ANXA6: variants seen among roughly 807,000 people sequenced by gnomAD.
ANXA6 encodes annexin A6, also known as 67 kDa calelectrin.
Under a neutral mutation model 95.4 loss-of-function variants are expected in ANXA6, and 71 were observed. The observed-to-expected ratio is 0.74, with a 90% CI of 0.61 to 0.91. The LOEUF (loss-of-function observed/expected upper bound fraction) is 0.91. Among genes scored for constraint, ANXA6 ranks in the 40% least tolerant of loss-of-function variants. The pLI, the probability that ANXA6 is intolerant of heterozygous loss-of-function variation, is 0.00. For synonymous variants in ANXA6, 289 were observed against 315.9 expected (o/e 0.91, Z 0.90); for missense variants, 830 against 876.4 (o/e 0.95, Z 0.67).
At chr5:151,140,470 C>A (rs1468949063) in intron 2 of ANXA6, 1 of 528,140 alleles carries the variant, frequency 1.9e-6, no homozygotes. Context: ...GGGGGCTTGG[C>A]CAAGGCCTGC....
chr5:151,110,212 G>A (rs1014138444), intron 21 of ANXA6, among the ~76,000 whole-genome samples: 1 of 152,222 alleles, frequency 6.6e-6, no homozygotes, highest in South Asian at 2.1e-4. Context: ...AAGGGTGTAT[G>A]GGGTCATATG....
intron 9 of ANXA6, 113 bp downstream of exon 9, chr5:151,132,981 G>T: frequency 1.2e-6 from 1 of 817,776 alleles, no homozygotes; most frequent in Non-Finnish European, 2.0e-6. Flanking sequence ...AGTTTGGGTT[G>T]GGAATGAAGT....
intron 23 of ANXA6, among the ~76,000 whole-genome samples, chr5:151,106,773 G>T (rs535699761): frequency 2.6e-5 from 4 of 152,272 alleles, no homozygotes; most frequent in South Asian, 2.1e-4. Context: ...TAAGAAGCAC[G>T]CTGGGCAGAA....
chr5:151,120,397 G>A (rs371568430), intron 17 of ANXA6, among the ~76,000 whole-genome samples: 2 of 144,924 alleles, frequency 1.4e-5, no homozygotes, highest in African/African-American at 5.2e-5. Flanking sequence ...CACTGTGCAA[G>A]GTGCTGGGGC....
At position 151,137,325 on chromosome 5, in the gene ANXA6, G is replaced by C; in HGVS notation, c.319-4C>G. The C allele has an allele frequency of 6.2e-7, 1 of 1,611,676 alleles. No individual in the cohort carries two copies. Among genetic ancestry groups the C allele is most frequent in the African/African-American group, 1.3e-5 (1 of 74,942 alleles). On this transcript the variant is annotated splice_region_variant and splice_polypyrimidine_tract_variant and intron_variant, in intron 5 of 25. Coordinates refer to ENST00000354546, the MANE Select transcript of ANXA6 (RefSeq NM_001155.5). ...ACTTCTCATCAGTGCCAATGCCCTG[G>C]GGGTAGAAAAAGAGCGCATGAATTA...
At chr5:151,106,403 C>G (rs1764696812) in intron 23 of ANXA6, among the ~76,000 whole-genome samples, 1 of 152,186 alleles carries the variant, frequency 6.6e-6, no homozygotes, top group Non-Finnish European at 1.5e-5. Flanking sequence ...CAAGACTCCT[C>G]TGCAACAGGC....
chr5:151,129,413 C>T lies in ANXA6; in HGVS notation c.912G>A (p.Met304Ile). 6.2e-7 allele frequency: 1 copy of T among 1,613,438 alleles called. No homozygotes were observed. Among genetic ancestry groups the T allele is most frequent in the Non-Finnish European group, 8.5e-7 (1 of 1,179,850 alleles). The change falls in exon 12 of 26, where the codon ATG (methionine) becomes ATA (isoleucine). Residue 304 changes from methionine (M) to isoleucine (I), a missense_variant. Transcript: ENST00000354546. Reference sequence around the variant, plus strand: ...CCCCATGAGCTCTGCTGACCTTGATCATGCTGTAGAGGGACTTCTCATACT... The same window carrying T: ...CCCCATGAGCTCTGCTGACCTTGATTATGCTGTAGAGGGACTTCTCATACT... ...RTKYEKSLYS[M>I]IKNDTSGEYK...
chr5:151,120,995 C>T (rs138214625), intron 17 of ANXA6, among the ~76,000 whole-genome samples: 1 of 152,326 alleles, frequency 6.6e-6, no homozygotes, highest in African/African-American at 2.4e-5. Context: ...AGTTGGGTTA[C>T]CTCATCGATC....
At chr5:151,104,753 G>A (rs1764647625) in intron 24 of ANXA6, among the ~76,000 whole-genome samples, 1 of 152,246 alleles carries the variant, frequency 6.6e-6, no homozygotes, top group African/African-American at 2.4e-5. Flanking sequence ...ACTAGACTCA[G>A]AGGGGAGCGC....
intron 1 of ANXA6, among the ~76,000 whole-genome samples, chr5:151,153,310 A>C (rs1766152719): frequency 6.6e-6 from 1 of 152,250 alleles, no homozygotes; most frequent in Non-Finnish European, 1.5e-5. Flanking sequence ...ATTTAAGGTC[A>C]GCCCTTAGAG....
intron 1 of ANXA6, among the ~76,000 whole-genome samples, chr5:151,148,963 C>T (rs1038743744): frequency 6.6e-5 from 10 of 151,476 alleles, no homozygotes; most frequent in Admixed American, 4.6e-4. Flanking sequence ...TAATTTGAGC[C>T]CAGGAGTTCG....
intron 3 of ANXA6, 115 bp from the exon 4 acceptor site, chr5:151,139,562 C>T (rs1051987544): frequency 1.4e-6 from 1 of 720,788 alleles, no homozygotes; most frequent in African/African-American, 1.7e-5. Flanking sequence ...TCAGCATGAG[C>T]CTTCCACTCA....
In ANXA6 at chr5:151,117,068, C is replaced by T. The variant is rs1052652195; in HGVS notation, c.1572+59G>A. ...AGGGCCCGGCGTAGACACGCATAAG[C>T]TGGACCTACATCTCAGGGACACCCG... On this transcript the variant is annotated intron_variant, in intron 20 of 25. Transcript: ENST00000354546. 3.9e-5 allele frequency: 58 copies of T among 1,484,872 alleles called. No individual in the cohort carries two copies. In the East Asian group the frequency reaches 1.3e-3, roughly 34 times the overall value. The allele number at this position is 1,484,872 out of a possible 1,614,324, so 92.0% of individuals were successfully genotyped here. A position where few individuals can be genotyped will look rare whatever the true frequency, so the allele number is the denominator to read the frequency against.
At chr5:151,130,726 G>GGACCTCA (rs1182447861) in intron 11 of ANXA6, among the ~76,000 whole-genome samples, 1 of 22,216 alleles carries the variant, frequency 4.5e-5, no homozygotes, top group Non-Finnish European at 7.8e-5. Context: ...CCTGTGTCTC[G>GGACCTCA]GGCCTCAGGC....
At chr5:151,137,148 G>A in intron 6 of ANXA6, 83 bp downstream of exon 6, 1 of 1,175,308 alleles carries the variant, frequency 8.5e-7, no homozygotes, top group Non-Finnish European at 1.2e-6. Context: ...AAGGTAGATG[G>A]CTAGAATCTT....
intron 5 of ANXA6, among the ~76,000 whole-genome samples, chr5:151,137,829 T>A (rs1425883296): frequency 6.6e-6 from 1 of 152,310 alleles, no homozygotes; most frequent in East Asian, 1.9e-4. Context: ...ATGAGCCAAT[T>A]CAACCTCTTT....
intron 5 of ANXA6, among the ~76,000 whole-genome samples, chr5:151,137,907 T>C (rs1765714538): frequency 6.6e-6 from 1 of 152,164 alleles, no homozygotes; most frequent in South Asian, 2.1e-4. Flanking sequence ...AACACAAAGG[T>C]TCTAGTTCTG....
intron 13 of ANXA6, among the ~76,000 whole-genome samples, chr5:151,127,233 G>C (rs1485208541): frequency 6.6e-6 from 1 of 152,224 alleles, no homozygotes; most frequent in Non-Finnish European, 1.5e-5. Context: ...AATATCTGCT[G>C]AACTGCATCA....
rs749726468 is a variant in ANXA6, at chr5:151,126,460, G to A, written c.998C>T (p.Pro333Leu). The A allele has an allele frequency of 7.5e-5, 121 of 1,609,968 alleles. No homozygotes were observed. Among genetic ancestry groups the A allele is most frequent in the East Asian group, 6.5e-4 (29 of 44,702 alleles). Residue 333 changes from proline (P) to leucine (L), a missense_variant, in exon 14 of 26, where the codon CCG (proline) becomes CTG (leucine). Physicochemically the swap from Pro to Leu is moderately conservative, Grantham distance 98. Coordinates refer to ENST00000354546, the MANE Select transcript of ANXA6 (RefSeq NM_001155.5). Reference protein sequence around the residue: ...GDDDAAGQFFPEAAQVAYQMW... With the variant: ...GDDDAAGQFFLEAAQVAYQMW... Reference sequence around the variant, plus strand: ...CTGATAGGCCACCTGCGCTGCCTCCGGGAAGAACTGGCCAGCAGCACTGGA... The same window carrying A: ...CTGATAGGCCACCTGCGCTGCCTCCAGGAAGAACTGGCCAGCAGCACTGGA...
Sources: gnomAD v4.1 joint callset for allele counts (sites outside exome capture counted in the v4.1 genomes callset) on GRCh38, gnomAD v4.1.1 for gene constraint, MANE v1.5 for transcripts, NCBI Gene and HGNC (gene_info 2026-07-23, HGNC 2026-07-21) for gene names.